The following FMN1 variants were observed in gnomAD, a reference collection of about 807,000 sequenced individuals.
The protein encoded by FMN1 is formin 1, also known as formin-1.
A neutral mutation model predicts 132.4 loss-of-function variants in FMN1; 110 were observed. The ratio of observed to expected loss-of-function variants is 0.83; its 90% CI spans 0.71 to 0.97. The LOEUF is 0.97. Among genes scored for constraint, FMN1 ranks in the 50% least tolerant of loss-of-function variants. FMN1 has a pLI of 0.00. For synonymous variants in FMN1, 722 were observed against 651.7 expected (o/e 1.11, Z -1.64); for missense variants, 1,792 against 1,705.3 (o/e 1.05, Z -0.90).
At chr15:33,011,439 A>G (rs1029721011) in intron 6 of FMN1, among the ~76,000 whole-genome samples, 1 of 152,080 alleles carries the variant, frequency 6.6e-6, no homozygotes, top group African/African-American at 2.4e-5. Flanking sequence ...TAAACTGTAA[A>G]AAGCAAAATT....
At chr15:33,086,551 T>C (rs976956120) in intron 5 of FMN1, among the ~76,000 whole-genome samples, 3 of 151,918 alleles carry the variant, frequency 2.0e-5, no homozygotes, top group African/African-American at 7.2e-5. Context: ...TTTAGCCAAT[T>C]TTAAAAAACA....
intron 9 of FMN1, among the ~76,000 whole-genome samples, chr15:32,935,555 T>G (rs770306752): frequency 2.6e-5 from 4 of 152,134 alleles, no homozygotes; most frequent in African/African-American, 4.8e-5. Flanking sequence ...CCTTCCTACC[T>G]TCTCCTTCTG....
intron 5 of FMN1, 79 bp downstream of exon 5, chr15:33,088,720 A>T (rs1214279647): frequency 8.0e-7 from 1 of 1,246,806 alleles, no homozygotes; most frequent in African/African-American, 1.5e-5. Flanking sequence ...TTATATACAC[A>T]ATTTACATTA....
chr15:33,003,403 A>C (rs981505197), intron 7 of FMN1, among the ~76,000 whole-genome samples: 4 of 152,156 alleles, frequency 2.6e-5, no homozygotes, highest in Non-Finnish European at 1.5e-5. Flanking sequence ...TTATACACCA[A>C]TAACAGACAG....
At chr15:32,840,823 G>A (rs753410134) in intron 17 of FMN1, among the ~76,000 whole-genome samples, 11 of 152,154 alleles carry the variant, frequency 7.2e-5, no homozygotes, top group Non-Finnish European at 1.0e-4. Context: ...CTGAAATACC[G>A]AAAAGAAAAT....
At chr15:32,776,774 T>G in intron 20 of FMN1, 61 bp downstream of exon 20, 1 of 1,017,444 alleles carries the variant, frequency 9.8e-7, no homozygotes, top group South Asian at 1.4e-5. Flanking sequence ...GCTTTAGCCC[T>G]TCCTGGGCGC....
At chr15:32,986,787 T>C (rs1448183551) in intron 7 of FMN1, among the ~76,000 whole-genome samples, 1 of 152,150 alleles carries the variant, frequency 6.6e-6, no homozygotes. Flanking sequence ...CACATTCTTT[T>C]CCTCCCCCAC....
intron 10 of FMN1, among the ~76,000 whole-genome samples, chr15:32,924,315 T>C (rs2060904025): frequency 6.6e-6 from 1 of 152,262 alleles, no homozygotes; most frequent in Admixed American, 6.5e-5. Context: ...TGCTCTGTGA[T>C]TATCATTTAA....
At chr15:33,097,233 G>A (rs2039119850) in intron 4 of FMN1, among the ~76,000 whole-genome samples, 1 of 151,734 alleles carries the variant, frequency 6.6e-6, no homozygotes, top group Non-Finnish European at 1.5e-5. Context: ...GAGCCTGGGA[G>A]GTTGAGGCTG....
chr15:32,967,429 C>T (rs958264998), intron 8 of FMN1, among the ~76,000 whole-genome samples: 7 of 152,152 alleles, frequency 4.6e-5, no homozygotes, highest in African/African-American at 1.7e-4. Flanking sequence ...AATGGCTGTG[C>T]ACTAATTTGA....
intron 3 of FMN1, among the ~76,000 whole-genome samples, chr15:33,155,331 C>A (rs1356345472): frequency 1.3e-5 from 2 of 152,062 alleles, no homozygotes; most frequent in African/African-American, 4.8e-5. Context: ...TGGATCAGGT[C>A]TCTCAACTTC....
intron 3 of FMN1, among the ~76,000 whole-genome samples, chr15:33,165,977 A>C (rs2140310456): frequency 6.6e-6 from 1 of 152,236 alleles, no homozygotes; most frequent in Admixed American, 6.5e-5. Flanking sequence ...TGGAAGGAAA[A>C]CCTATTTTAA....
At chr15:32,821,479 TCTTG>T (rs1284055514) in intron 17 of FMN1, among the ~76,000 whole-genome samples, 11 of 128,418 alleles carry the variant, frequency 8.6e-5, no homozygotes, top group Non-Finnish European at 1.4e-4. Context: ...TGAGATGGAG[TCTTG>T]CTCTGTCACC....
chr15:32,867,106 T>C (rs1487466312), intron 16 of FMN1, among the ~76,000 whole-genome samples: 1 of 152,188 alleles, frequency 6.6e-6, no homozygotes, highest in Non-Finnish European at 1.5e-5. Context: ...AACTCCTGAA[T>C]TCATTACTCT....
At chr15:33,011,130 T>TACC (rs2034694650) in intron 6 of FMN1, among the ~76,000 whole-genome samples, 1 of 152,138 alleles carries the variant, frequency 6.6e-6, no homozygotes, top group Admixed American at 6.6e-5. Flanking sequence ...TAAGACAACT[T>TACC]ACCTTACCTC....
chr15:33,115,425 G>A (rs903430702), intron 4 of FMN1, among the ~76,000 whole-genome samples: 1 of 152,042 alleles, frequency 6.6e-6, no homozygotes, highest in South Asian at 2.1e-4. Flanking sequence ...TATGAAAGAG[G>A]TAGGCAAGGC....
At position 33,101,551 on chromosome 15, in the gene FMN1, C is replaced by T. The variant is rs571686286; in HGVS notation, c.1868-12577G>A. ...AAGCTGCCCTGGGATAGGAGTTGGA[C>T]AAGCTTGCTGTAATTCTTCATGGTA... On this transcript the variant is annotated intron_variant, in intron 4 of 20. Transcript: ENST00000616417. Among the ~76,000 whole-genome samples the T allele has an allele frequency of 5.9e-5, 9 of 152,282 alleles. No individual in the cohort carries two copies. In the South Asian group the frequency reaches 1.7e-3, roughly 28 times the overall value.
At chr15:32,889,834 C>A (rs369310972) in intron 15 of FMN1, among the ~76,000 whole-genome samples, 1 of 152,100 alleles carries the variant, frequency 6.6e-6, no homozygotes, top group Non-Finnish European at 1.5e-5. Context: ...TGAGTAAGTT[C>A]TTTAGTGGTG....
intron 17 of FMN1, among the ~76,000 whole-genome samples, chr15:32,831,547 G>A (rs1401694714): frequency 1.3e-5 from 2 of 152,150 alleles, no homozygotes; most frequent in Non-Finnish European, 2.9e-5. Context: ...AGAGGCTGCA[G>A]GGGAGGAAAG....
Sources: gnomAD v4.1 joint callset for allele counts (sites outside exome capture counted in the v4.1 genomes callset) on GRCh38, gnomAD v4.1.1 for gene constraint, MANE v1.5 for transcripts, NCBI Gene and HGNC (gene_info 2026-07-23, HGNC 2026-07-21) for gene names.